Variants in IGBP1C observed in about 807,000 individuals in gnomAD.
The protein encoded by IGBP1C is IGBP1 family member C, also known as immunoglobulin-binding protein 1 family member C.
the IGBP1C span, chr17:58,660,710 TTTCTGAA>T: frequency 1.3e-6 from 1 of 781,608 alleles, no homozygotes; most frequent in African/African-American, 1.7e-5. Flanking sequence ...CTGAGTGGCT[TTTCTGAA>T]TTCTTCTGGT....
the IGBP1C span, among the ~76,000 whole-genome samples, chr17:58,668,954 A>G: frequency 2.0e-5 from 3 of 152,180 alleles, no homozygotes; most frequent in Admixed American, 1.3e-4. Flanking sequence ...AATTAGAAAA[A>G]AAGGCTGAGA....
chr17:58,668,198 C>T, the IGBP1C span, among the ~76,000 whole-genome samples: 1 of 152,138 alleles, frequency 6.6e-6, no homozygotes, highest in Non-Finnish European at 1.5e-5. Flanking sequence ...AACCACTGAC[C>T]TCCACACTGC....
At chr17:58,679,023 G>T in the IGBP1C span, among the ~76,000 whole-genome samples, 1 of 151,762 alleles carries the variant, frequency 6.6e-6, no homozygotes, top group African/African-American at 2.4e-5. Flanking sequence ...GCGTGGTGGC[G>T]TGTGCCTGTA....
chr17:58,676,145 G>A, the IGBP1C span, among the ~76,000 whole-genome samples: 1 of 152,186 alleles, frequency 6.6e-6, no homozygotes, highest in Non-Finnish European at 1.5e-5. Context: ...GAAGGCTGAC[G>A]CAGGCAGATC....
the IGBP1C span, among the ~76,000 whole-genome samples, chr17:58,667,481 T>C: frequency 1.3e-5 from 2 of 152,184 alleles, no homozygotes; most frequent in African/African-American, 4.8e-5. Context: ...TACTAACAGC[T>C]AACATCTACT....
chr17:58,688,215 T>C, the IGBP1C span, among the ~76,000 whole-genome samples: 1 of 152,008 alleles, frequency 6.6e-6, no homozygotes, highest in African/African-American at 2.4e-5. Context: ...CTGCCTCCCA[T>C]GTTCCAGCAA....
At chr17:58,681,321 T>C in the IGBP1C span, among the ~76,000 whole-genome samples, 7 of 152,044 alleles carry the variant, frequency 4.6e-5, 1 homozygote, top group South Asian at 1.2e-3. Context: ...ACTGAGAACA[T>C]AGAGGTGTCT....
At chr17:58,675,675 G>C in the IGBP1C span, among the ~76,000 whole-genome samples, 133 of 152,232 alleles carry the variant, frequency 8.7e-4, 1 homozygote, top group Middle Eastern at 3.4e-3. Context: ...TATGTTCCAA[G>C]GGTATCTGCA....
chr17:58,668,686 C>T, the IGBP1C span, among the ~76,000 whole-genome samples: 148 of 152,262 alleles, frequency 9.7e-4, no homozygotes, highest in Non-Finnish European at 1.7e-3. Context: ...CCAGAGAGGA[C>T]TTCTTTTTTT....
chr17:58,691,323 G>A, the IGBP1C span, among the ~76,000 whole-genome samples: 1 of 152,114 alleles, frequency 6.6e-6, no homozygotes, highest in South Asian at 2.1e-4. Context: ...GCTCTGATTT[G>A]CAATATTTAG....
the IGBP1C span, among the ~76,000 whole-genome samples, chr17:58,685,477 T>C: frequency 6.8e-6 from 1 of 147,888 alleles, no homozygotes; most frequent in African/African-American, 2.5e-5. Flanking sequence ...AGATAAATAG[T>C]AGTTAATTAG....
the IGBP1C span, among the ~76,000 whole-genome samples, chr17:58,670,436 C>A: frequency 4.6e-4 from 69 of 149,838 alleles, no homozygotes; most frequent in African/African-American, 1.6e-3. Flanking sequence ...AAAAAAAAAA[C>A]AACAAACAGC....
the IGBP1C span, among the ~76,000 whole-genome samples, chr17:58,676,386 C>A: frequency 6.7e-6 from 1 of 148,508 alleles, no homozygotes; most frequent in Non-Finnish European, 1.5e-5. Flanking sequence ...CAAAAAAAAC[C>A]AAAAAAACAA....
the IGBP1C span, among the ~76,000 whole-genome samples, chr17:58,684,580 AGAAGAT>A: frequency 6.6e-6 from 1 of 151,390 alleles, no homozygotes; most frequent in Non-Finnish European, 1.5e-5. Context: ...GGTGGCAGTG[AGAAGAT>A]CGTGCCACTG....
At chr17:58,661,571 G>A in the IGBP1C span, 4 of 738,050 alleles carry the variant, frequency 5.4e-6, no homozygotes, top group Admixed American at 4.0e-5. Flanking sequence ...CCGCGGCGGC[G>A]GCAGGAACTC....
chr17:58,683,636 G>A, the IGBP1C span, among the ~76,000 whole-genome samples: 1 of 151,444 alleles, frequency 6.6e-6, no homozygotes, highest in Non-Finnish European at 1.5e-5. Flanking sequence ...AGTGGCTCAC[G>A]CCCGTAATCC....
chr17:58,661,532 T>C, the IGBP1C span: 1 of 777,410 alleles, frequency 1.3e-6, no homozygotes, highest in Non-Finnish European at 2.4e-6. Context: ...GTCCAGAAGC[T>C]GTTTGCTGGA....
At chr17:58,660,617 G>A in the IGBP1C span, 6 of 791,932 alleles carry the variant, frequency 7.6e-6, no homozygotes, top group Non-Finnish European at 1.4e-5. Flanking sequence ...CCTAGGGTGG[G>A]TGTCCTTCCA....
At chr17:58,660,797 G>C in the IGBP1C span, 1 of 781,650 alleles carries the variant, frequency 1.3e-6, no homozygotes, top group Non-Finnish European at 2.4e-6. Flanking sequence ...GTCACTCACT[G>C]TCATGGAAGC....
Sources: allele counts gnomAD v4.1 joint callset (sites outside exome capture counted in the v4.1 genomes callset), GRCh38; gene constraint gnomAD v4.1.1; transcripts MANE v1.5; gene names NCBI Gene and HGNC (gene_info 2026-07-23, HGNC 2026-07-21).